FGGY: variants seen among roughly 807,000 people sequenced by gnomAD.
FGGY encodes the protein FGGY carbohydrate kinase domain containing.
A neutral mutation model predicts 71.3 loss-of-function variants in FGGY; 72 were observed. The observed-to-expected ratio is 1.01, with a 90% confidence interval of 0.84 to 1.23. The LOEUF (loss-of-function observed/expected upper bound fraction) is 1.23. Among genes scored for constraint, FGGY ranks in the 50% most tolerant of loss-of-function variants. The pLI is 0.00. For missense variants in FGGY, 668 were observed against 682.3 expected (o/e 0.98, Z 0.23); for synonymous variants, 251 against 250.3 (o/e 1.00, Z -0.02).
rs531821578 is a variant in FGGY at position 59,433,976 on chromosome 1, G to A, written c.555-22985G>A. Among the ~76,000 whole-genome samples, 14 of 152,216 alleles carry A rather than the reference G, an allele frequency of 9.2e-5. No individual in the cohort carries two copies. In the East Asian group the frequency reaches 2.1e-3, roughly 23 times the overall value. ...ATTCAAGATCTGCCATTTATTATTT[G>A]TTTCATTTTGGACAACATGCTTAGC... is the stretch of plus-strand genomic sequence containing the variant. On this transcript the variant is annotated intron_variant, in intron 5 of 15. Coordinates refer to ENST00000303721, the MANE Select transcript of FGGY (RefSeq NM_018291.5).
At chr1:59,612,539 A>G (rs1472607252) in intron 9 of FGGY, among the ~76,000 whole-genome samples, 1 of 152,190 alleles carries the variant, frequency 6.6e-6, no homozygotes, top group Non-Finnish European at 1.5e-5. Context: ...CCACTGCAAA[A>G]ACATGCCAAA....
At position 59,762,717 on chromosome 1, in the gene FGGY, A is replaced by G. The variant is rs1030071203; in HGVS notation, c.*133A>G. 3.0e-6 allele frequency: 2 copies of G among 656,932 alleles called. No individual in the cohort carries two copies. The highest frequency in any genetic ancestry group is 5.3e-6 in the Non-Finnish European group (2 of 376,958). 40.7% of individuals were successfully genotyped at this position (656,932 alleles called of 1,614,324 possible). A position where few individuals can be genotyped will look rare whatever the true frequency, so the allele number is the denominator to read the frequency against. Reference sequence around the variant, plus strand: ...TTGTCTTTCAATAAAGAAAACAAACATGTGCAACCAGAATTAGAGTCTTCA... The same window carrying G: ...TTGTCTTTCAATAAAGAAAACAAACGTGTGCAACCAGAATTAGAGTCTTCA... On this transcript the variant is annotated 3_prime_UTR_variant, in exon 16 of 16. Coordinates refer to ENST00000303721, the MANE Select transcript of FGGY (RefSeq NM_018291.5).
intron 8 of FGGY, among the ~76,000 whole-genome samples, chr1:59,590,050 TAAAG>T (rs766957083): frequency 5.3e-5 from 8 of 151,148 alleles, no homozygotes; most frequent in Non-Finnish European, 1.0e-4. Context: ...GCAAGACTAA[TAAAG>T]AAGAAAAGAG....
intron 6 of FGGY, among the ~76,000 whole-genome samples, chr1:59,462,069 A>T (rs1441734272): frequency 2.0e-5 from 3 of 151,612 alleles, no homozygotes; most frequent in Non-Finnish European, 4.4e-5. Flanking sequence ...GAGTGAGAAC[A>T]TGCAGTGTTT....
intron 14 of FGGY, among the ~76,000 whole-genome samples, chr1:59,734,470 C>G (rs1418105177): frequency 6.6e-6 from 1 of 152,216 alleles, no homozygotes; most frequent in Non-Finnish European, 1.5e-5. Flanking sequence ...TCCCAGAGTT[C>G]TGGGATTACA....
intron 6 of FGGY, among the ~76,000 whole-genome samples, chr1:59,462,636 A>C (rs1442247234): frequency 1.3e-5 from 2 of 152,222 alleles, no homozygotes; most frequent in Non-Finnish European, 2.9e-5. Flanking sequence ...CCCCATCAGC[A>C]AGTGGGCAAA....
intron 2 of FGGY, among the ~76,000 whole-genome samples, chr1:59,329,834 C>T (rs2048123561): frequency 1.3e-5 from 2 of 152,190 alleles, no homozygotes; most frequent in South Asian, 4.1e-4. Context: ...ACATTCACTT[C>T]CTCTTTTGCT....
At position 59,457,012 on chromosome 1, in the gene FGGY, G is replaced by C. The variant is rs762085919; in HGVS notation, c.606G>C (p.Trp202Cys). 1 of 1,614,070 alleles carries C rather than the reference G, an allele frequency of 6.2e-7. No individual in the cohort carries two copies. Residue 202 changes from tryptophan (W) to cysteine (C), a missense_variant, in exon 6 of 16, where the codon TGG becomes TGC. Trp to Cys is a radical substitution (Grantham distance 215). Transcript: ENST00000303721. ...CKWTYSAEKGWDDSFWKMIGL... is the reference protein window; with the variant it reads ...CKWTYSAEKGCDDSFWKMIGL... ...GGACATATTCAGCAGAGAAAGGCTG[G>C]GACGACAGTTTCTGGAAAATGATTG...
chr1:59,297,778 G>A (rs955397360), intron 1 of FGGY, among the ~76,000 whole-genome samples: 9 of 151,588 alleles, frequency 5.9e-5, no homozygotes, highest in African/African-American at 1.9e-4. Context: ...AGCTGAGATC[G>A]TGCCACTGCA....
intron 4 of FGGY, among the ~76,000 whole-genome samples, chr1:59,362,620 T>TC (rs1389242450): frequency 1.3e-5 from 2 of 152,204 alleles, no homozygotes; most frequent in African/African-American, 4.8e-5. Context: ...CTCCATCCCA[T>TC]CTTCCTCAGT....
intron 15 of FGGY, 87 bp downstream of exon 15, chr1:59,758,079 G>T: frequency 1.1e-6 from 1 of 902,152 alleles, no homozygotes. Flanking sequence ...ATAAACTCAG[G>T]TGGTCAACTA....
At chr1:59,319,857 T>A (rs1468967798) in intron 1 of FGGY, among the ~76,000 whole-genome samples, 2 of 152,100 alleles carry the variant, frequency 1.3e-5, no homozygotes, top group Non-Finnish European at 2.9e-5. Context: ...AGAGAGGGCC[T>A]AGCAGAGGGA....
intron 7 of FGGY, among the ~76,000 whole-genome samples, chr1:59,524,718 C>T (rs771767053): frequency 1.1e-4 from 16 of 152,198 alleles, no homozygotes; most frequent in South Asian, 2.1e-4. Flanking sequence ...CTCATCTAGA[C>T]GACCTGCCTG....
At chr1:59,743,334 G>A (rs1253690044) in intron 14 of FGGY, among the ~76,000 whole-genome samples, 7 of 152,266 alleles carry the variant, frequency 4.6e-5, no homozygotes, top group East Asian at 1.9e-4. Context: ...CATGATCACC[G>A]ATGTTTCTCC....
At chr1:59,732,865 C>T (rs2100983218) in intron 14 of FGGY, among the ~76,000 whole-genome samples, 1 of 152,238 alleles carries the variant, frequency 6.6e-6, no homozygotes, top group South Asian at 2.1e-4. Context: ...CGAGCTTCCA[C>T]CATGGAATTT....
In FGGY at chr1:59,538,310, G is replaced by T. The variant is rs866174975; in HGVS notation, c.800-15814G>T. 7.4e-3 allele frequency among the ~76,000 whole-genome samples: 1,112 copies of T among 150,632 alleles called. 9 individuals carry two copies. The highest frequency in any genetic ancestry group is 0.01 in the Middle Eastern group (3 of 294). On this transcript the variant is annotated intron_variant, in intron 7 of 15. Coordinates refer to ENST00000303721, the MANE Select transcript of FGGY (RefSeq NM_018291.5). ...CACAATGAGATACCATCTCACACCA[G>T]TTAGAATGGCAATCATTAAAAAGTC... is the stretch of plus-strand genomic sequence containing the variant.
At chr1:59,539,239 A>T (rs566218741) in intron 7 of FGGY, among the ~76,000 whole-genome samples, 1 of 152,326 alleles carries the variant, frequency 6.6e-6, no homozygotes, top group East Asian at 1.9e-4. Context: ...TCAGCATTCT[A>T]GCAGATTTGT....
chr1:59,354,374 C>G (rs149368922), intron 4 of FGGY, among the ~76,000 whole-genome samples: 1 of 152,168 alleles, frequency 6.6e-6, no homozygotes, highest in African/African-American at 2.4e-5. Context: ...CCACTGTGCC[C>G]AGCCTAATTA....
At chr1:59,365,701 G>GCATA (rs1344516682) in intron 4 of FGGY, among the ~76,000 whole-genome samples, 2 of 152,176 alleles carry the variant, frequency 1.3e-5, no homozygotes, top group East Asian at 3.8e-4. Context: ...TAATCTGCAA[G>GCATA]CATAGTTTTC....
Sources: allele counts gnomAD v4.1 joint callset (sites outside exome capture counted in the v4.1 genomes callset), GRCh38; gene constraint gnomAD v4.1.1; transcripts MANE v1.5; gene names NCBI Gene and HGNC (gene_info 2026-07-23, HGNC 2026-07-21).